NUP58: variants seen among roughly 807,000 people sequenced by gnomAD.
The protein encoded by NUP58 is nucleoporin p58/p45.
In NUP58, 17 loss-of-function variants were observed where a neutral mutation model predicts 70.1. The observed-to-expected ratio is 0.24, with a 90% CI of 0.17 to 0.36. The LOEUF (loss-of-function observed/expected upper bound fraction) is 0.36. Ranked by LOEUF, NUP58 falls within the 10% of genes least tolerant of loss-of-function variation. The pLI, the probability that NUP58 is intolerant of heterozygous loss-of-function variation, is 1.00. For synonymous variants in NUP58, 275 were observed against 257.6 expected, an observed-to-expected ratio of 1.07 and a Z score of -0.65; for missense variants, 644 against 701.5, an observed-to-expected ratio of 0.92 and a Z score of 0.93.
chr13:25,312,956 A>G lies in NUP58; in HGVS notation c.360A>G (p.Thr120=). The G allele has an allele frequency of 6.2e-7, 1 of 1,614,134 alleles. No individual in the cohort carries two copies. The highest frequency in any genetic ancestry group is 8.5e-7 in the Non-Finnish European group (1 of 1,179,988). ...LGFNKPAASA[T]PFALPITSTS... ...TCAATAAACCTGCAGCATCTGCCACACCATTTGCTCTACCTATTACCTCTA... is the reference window on the plus strand; with the variant it reads ...TCAATAAACCTGCAGCATCTGCCACGCCATTTGCTCTACCTATTACCTCTA... The change falls in exon 4 of 16, where the codon ACA becomes ACG. Residue 120 remains threonine, a synonymous_variant. Transcript: ENST00000381736.
At chr13:25,309,869 A>G (rs1308492807) in intron 3 of NUP58, 3 of 189,122 alleles carry the variant, frequency 1.6e-5, no homozygotes, top group Non-Finnish European at 3.4e-5. Flanking sequence ...AGGAAAAGGA[A>G]ATGAAAGAAC....
chr13:25,336,926 T>A lies in NUP58; in HGVS notation c.1436-10T>A. The A allele has an allele frequency of 1.3e-6, 2 of 1,546,452 alleles. No homozygotes were observed. The highest frequency in any genetic ancestry group is 2.3e-5 in the East Asian group (1 of 43,632). On this transcript the variant is annotated splice_polypyrimidine_tract_variant and intron_variant, in intron 13 of 15. Transcript: ENST00000381736. ...TTTTCCCCCCCATTTTTTTTTTTTTTTTATACCAGGGCCACAGCCATCTCT... is the reference window on the plus strand; with the variant it reads ...TTTTCCCCCCCATTTTTTTTTTTTTATTATACCAGGGCCACAGCCATCTCT...
chr13:25,319,897 T>G (rs1411273337), intron 7 of NUP58, among the ~76,000 whole-genome samples: 1 of 152,150 alleles, frequency 6.6e-6, no homozygotes, highest in Non-Finnish European at 1.5e-5. Flanking sequence ...TATTTTAGCT[T>G]ACTATTTAAA....
At position 25,325,030 on chromosome 13, in the gene NUP58, AC is replaced by A; in HGVS notation, c.995del (p.Pro332HisfsTer36). The A allele has an allele frequency of 6.2e-7, 1 of 1,610,980 alleles. No individual in the cohort carries two copies. On this transcript the variant is annotated frameshift_variant, in exon 10 of 16. Coordinates refer to ENST00000381736, the MANE Select transcript of NUP58 (RefSeq NM_014089.4). LOFTEE classifies it high-confidence loss of function. ...AEIALRTQKT[P>X]PGLQHEYAAP... Reference sequence around the variant, plus strand: ...AAATAGCTTTAAGAACCCAGAAGACACCACCTGGACTTCAACATGAATATGC... The same window carrying A: ...AAATAGCTTTAAGAACCCAGAAGACACACCTGGACTTCAACATGAATATGC...
chr13:25,305,275 C>T (rs191617901), intron 1 of NUP58, among the ~76,000 whole-genome samples: 1 of 151,746 alleles, frequency 6.6e-6, no homozygotes, highest in Admixed American at 6.6e-5. Context: ...TCCTGAGTAG[C>T]TGGGATTACA....
intron 13 of NUP58, chr13:25,334,157 A>T: frequency 1.0e-6 from 1 of 985,404 alleles, no homozygotes; most frequent in Non-Finnish European, 1.2e-6. Flanking sequence ...TGAAATCATG[A>T]GCATCGATAA....
chr13:25,320,984 T>G lies in NUP58; in HGVS notation c.842T>G (p.Leu281Arg). 2 of 1,598,094 alleles carry G rather than the reference T, an allele frequency of 1.3e-6. No individual in the cohort carries two copies. The highest frequency in any genetic ancestry group is 1.7e-6 in the Non-Finnish European group (2 of 1,175,318). Reference sequence around the variant, plus strand: ...AGTAGAATGTCTTCAAAAGCAATGCTTAAGGTACAAGAAGATATTAAAGCT... The same window carrying G: ...AGTAGAATGTCTTCAAAAGCAATGCGTAAGGTACAAGAAGATATTAAAGCT... ...EISRMSSKAMLKVQEDIKALK... is the reference protein window; with the variant it reads ...EISRMSSKAMRKVQEDIKALK... The change falls in exon 9 of 16, where the codon CTT (leucine) becomes CGT (arginine). Residue 281 changes from leucine to arginine, a missense_variant. Leu to Arg is a moderately radical substitution (Grantham distance 102). Around this residue, in one of 4 missense-constraint regions of NUP58, gnomAD observed 430 missense variants for 409.2 expected, o/e 1.05. Transcript: ENST00000381736.
At chr13:25,302,770 C>T (rs925115674) in intron 1 of NUP58, among the ~76,000 whole-genome samples, 19 of 152,114 alleles carry the variant, frequency 1.2e-4, no homozygotes, top group African/African-American at 4.1e-4. Flanking sequence ...TTAAGCATGA[C>T]CTGCAGTTTA....
intron 13 of NUP58, chr13:25,333,730 T>C (rs1229989265): frequency 1.0e-6 from 1 of 985,272 alleles, no homozygotes; most frequent in Non-Finnish European, 1.2e-6. Context: ...AATGGTGTTT[T>C]GTACCCCATA....
At chr13:25,312,781 T>C (rs2030733545) in intron 3 of NUP58, 102 bp from the exon 4 acceptor site, 1 of 1,121,296 alleles carries the variant, frequency 8.9e-7, no homozygotes, top group African/African-American at 1.6e-5. Context: ...AAAGGTAGTA[T>C]CATGAACTTT....
chr13:25,313,084 C>G, intron 4 of NUP58, 52 bp downstream of exon 4: 1 of 1,580,546 alleles, frequency 6.3e-7, no homozygotes, highest in Non-Finnish European at 8.6e-7. Flanking sequence ...TCAATTTTAT[C>G]TGGTTAGAGA....
intron 1 of NUP58, chr13:25,303,111 A>C: frequency 2.2e-6 from 1 of 455,758 alleles, no homozygotes; most frequent in Non-Finnish European, 4.4e-6. Context: ...GATGAAAACT[A>C]CTCCAATCAA....
downstream of NUP58, among the ~76,000 whole-genome samples, chr13:25,346,734 A>G (rs2032055158): frequency 6.6e-6 from 1 of 151,626 alleles, no homozygotes; most frequent in Admixed American, 6.6e-5. Flanking sequence ...AAAAAAAAAA[A>G]GATACAAGAA....
At chr13:25,328,395 CTTTT>C (rs397851817) in intron 12 of NUP58, among the ~76,000 whole-genome samples, 2 of 91,968 alleles carry the variant, frequency 2.2e-5, no homozygotes, top group Non-Finnish European at 2.4e-5. Context: ...CTGACTCTCG[CTTTT>C]TTTTTTTTTT....
At chr13:25,336,308 T>G (rs546136207) in intron 13 of NUP58, 1 of 1,248,360 alleles carries the variant, frequency 8.0e-7, no homozygotes, top group East Asian at 4.7e-5. Flanking sequence ...TGTAATTGAT[T>G]TGCTTTACAA....
In NUP58 at chr13:25,309,311, T is replaced by C. The variant is rs1456456886; in HGVS notation, c.286+29T>C. On this transcript the variant is annotated intron_variant, in intron 3 of 15. Transcript: ENST00000381736. ...AGAATTTTTGAGGAAAGATCCCAGC[T>C]CTGTGGTCTTCTAATAATTTTAATA... 4 of 1,516,204 alleles carry C rather than the reference T, an allele frequency of 2.6e-6. No homozygotes were observed. The South Asian group carries it at 4.6e-5, about 18-fold the overall frequency. The allele number at this position is 1,516,204 out of a possible 1,614,324, so 93.9% of individuals were successfully genotyped here.
At chr13:25,334,035 C>A in intron 13 of NUP58, 2 of 985,072 alleles carry the variant, frequency 2.0e-6, no homozygotes, top group Non-Finnish European at 2.4e-6. Flanking sequence ...TCTTTGTCCT[C>A]CTTCAATTTT....
chr13:25,303,696 T>G (rs2030148087), intron 1 of NUP58, among the ~76,000 whole-genome samples: 1 of 152,142 alleles, frequency 6.6e-6, no homozygotes, highest in Admixed American at 6.5e-5. Flanking sequence ...TTTGTTATAT[T>G]TATTGTTAAC....
rs574002135 is a variant in NUP58, at chr13:25,334,218, G to A, written c.1435+2660G>A. 9 of 985,342 alleles carry A rather than the reference G, an allele frequency of 9.1e-6. No homozygotes were observed. In the East Asian group the frequency reaches 7.9e-4, roughly 87 times the overall value. 61.0% of individuals were successfully genotyped at this position (985,342 alleles called of 1,614,324 possible). A position where few individuals can be genotyped will look rare whatever the true frequency, so the allele number is the denominator to read the frequency against. ...CAGAACTTGACACTTGTCTATAAGT[G>A]CTTCCCAAGCCTCCTGAAAAACTGA... On this transcript the variant is annotated intron_variant, in intron 13 of 15. Transcript: ENST00000381736.
Sources: allele counts gnomAD v4.1 joint callset (sites outside exome capture counted in the v4.1 genomes callset), GRCh38; gene constraint gnomAD v4.1.1; regional missense constraint gnomAD v4.1.1; transcripts MANE v1.5; gene names NCBI Gene and HGNC (gene_info 2026-07-23, HGNC 2026-07-21).